Variants in ENOX1 observed in about 807,000 individuals in gnomAD.
The protein encoded by ENOX1 is ecto-NOX disulfide-thiol exchanger 1.
ENOX1 carries 42 observed loss-of-function variants against 82.5 expected under a neutral mutation model. That is an observed-to-expected ratio of 0.51 (90% confidence interval 0.40 to 0.66). ENOX1 has a LOEUF of 0.66. ENOX1 is among the 30% of genes least tolerant of loss of function. The pLI is 0.00. For synonymous variants in ENOX1, 271 were observed against 282.2 expected, an observed-to-expected ratio of 0.96 and a Z score of 0.40; for missense variants, 608 against 811.6, an observed-to-expected ratio of 0.75 and a Z score of 3.05.
At chr13:43,276,434 C>T (rs530672059) in intron 12 of ENOX1, among the ~76,000 whole-genome samples, 7 of 152,298 alleles carry the variant, frequency 4.6e-5, no homozygotes, top group Admixed American at 1.3e-4. Context: ...GAAGTATACA[C>T]CCCTTAATCC....
intron 2 of ENOX1, among the ~76,000 whole-genome samples, chr13:43,663,085 T>C (rs771074306): frequency 6.6e-6 from 1 of 151,808 alleles, no homozygotes; most frequent in Non-Finnish European, 1.5e-5. Context: ...TTCAATGGAG[T>C]AAATTAAAGA....
At chr13:43,294,340 G>A (rs916101376) in intron 12 of ENOX1, among the ~76,000 whole-genome samples, 6 of 151,832 alleles carry the variant, frequency 4.0e-5, no homozygotes, top group South Asian at 2.1e-4. Context: ...ATTTTTAAGC[G>A]GATTATTAAA....
intron 1 of ENOX1, among the ~76,000 whole-genome samples, chr13:43,725,238 A>G (rs982955665): frequency 1.3e-5 from 2 of 152,194 alleles, no homozygotes; most frequent in Admixed American, 6.5e-5. Flanking sequence ...GAAACCAAAT[A>G]GGGTCTCCCT....
At position 43,358,318 on chromosome 13, in the gene ENOX1, G is replaced by A. The variant is rs376404130; in HGVS notation, c.589+1533C>T. Reference sequence around the variant, plus strand: ...GTGAGCATGGGTTTAATCTGTGCAGGTCCACTTATAGGTGGATTTTTTTCC... The same window carrying A: ...GTGAGCATGGGTTTAATCTGTGCAGATCCACTTATAGGTGGATTTTTTTCC... On this transcript the variant is annotated intron_variant, in intron 7 of 16. Transcript: ENST00000690772. 8.3e-4 allele frequency among the ~76,000 whole-genome samples: 126 copies of A among 152,174 alleles called. No homozygotes were observed. In the South Asian group the frequency reaches 0.01, roughly 13 times the overall value.
chr13:43,436,043 G>A (rs551725554), intron 3 of ENOX1, among the ~76,000 whole-genome samples: 9 of 152,186 alleles, frequency 5.9e-5, no homozygotes, highest in East Asian at 1.9e-4. Context: ...GTTGGAGGCT[G>A]CTGAAAGGAC....
Position 43,355,287 on chromosome 13 carries a change from C to T in ENOX1, c.823+632G>A, listed in dbSNP as rs532719394. 6.3e-4 allele frequency among the ~76,000 whole-genome samples: 96 copies of T among 152,278 alleles called. 1 individual carries two copies. The highest frequency in any genetic ancestry group is 2.2e-3 in the African/African-American group (93 of 41,576). ...TCTTTATTTCCCACAGCATAAAACA[C>T]CAGGGAGGGCCTCAGAAAACATTAG... On this transcript the variant is annotated intron_variant, in intron 8 of 16. Transcript: ENST00000690772.
chr13:43,258,557 G>A (rs1470595187), intron 14 of ENOX1, among the ~76,000 whole-genome samples: 1 of 152,064 alleles, frequency 6.6e-6, no homozygotes, highest in Non-Finnish European at 1.5e-5. Flanking sequence ...ATGTGGACAG[G>A]GTAATATATT....
intron 2 of ENOX1, among the ~76,000 whole-genome samples, chr13:43,596,185 G>T (rs2081463433): frequency 6.6e-6 from 1 of 152,144 alleles, no homozygotes; most frequent in Non-Finnish European, 1.5e-5. Context: ...ACCATTTAGG[G>T]CATGTTAACA....
chr13:43,462,168 G>A (rs2057516323), intron 3 of ENOX1, among the ~76,000 whole-genome samples: 1 of 152,142 alleles, frequency 6.6e-6, no homozygotes, highest in African/African-American at 2.4e-5. Context: ...TAGAACACAA[G>A]TCATGTAAAA....
chr13:43,500,267 A>C (rs1362193804), intron 2 of ENOX1, among the ~76,000 whole-genome samples: 1 of 152,178 alleles, frequency 6.6e-6, no homozygotes, highest in Admixed American at 6.5e-5. Context: ...AAATAGGTGG[A>C]ACCTAAAGAG....
At chr13:43,488,461 A>G (rs1177041104) in intron 2 of ENOX1, among the ~76,000 whole-genome samples, 2 of 152,226 alleles carry the variant, frequency 1.3e-5, no homozygotes, top group Non-Finnish European at 2.9e-5. Flanking sequence ...ATAAATTTCT[A>G]TTCTTTATAA....
intron 2 of ENOX1, among the ~76,000 whole-genome samples, chr13:43,619,247 T>C (rs921647468): frequency 1.3e-5 from 2 of 152,244 alleles, no homozygotes; most frequent in South Asian, 2.1e-4. Flanking sequence ...TCTTGTCTGA[T>C]TGCTCTGGCT....
Position 43,241,956 on chromosome 13 carries a change from T to C in ENOX1, c.1612-5218A>G, listed in dbSNP as rs1193906329. Among the ~76,000 whole-genome samples, 3 of 152,216 alleles carry C rather than the reference T, an allele frequency of 2.0e-5. No individual in the cohort carries two copies. In the East Asian group the frequency reaches 5.8e-4, roughly 29 times the overall value. On this transcript the variant is annotated intron_variant, in intron 14 of 16. Transcript: ENST00000690772. ...GCCCCTAAGGACCAAGAAAATGGCT[T>C]CCCTGCCTTATAAAATCCTTCTGCT...
At chr13:43,505,318 A>G (rs991760763) in intron 2 of ENOX1, among the ~76,000 whole-genome samples, 6 of 151,970 alleles carry the variant, frequency 3.9e-5, no homozygotes, top group Admixed American at 3.3e-4. Flanking sequence ...GCTACAGCCT[A>G]AGTACATGTG....
intron 2 of ENOX1, among the ~76,000 whole-genome samples, chr13:43,532,625 A>G (rs942841094): frequency 2.0e-5 from 3 of 152,018 alleles, no homozygotes; most frequent in Non-Finnish European, 2.9e-5. Context: ...ACACTCCTCT[A>G]TTTACAACTA....
At chr13:43,324,737 C>T (rs1178162945) in intron 10 of ENOX1, among the ~76,000 whole-genome samples, 1 of 144,360 alleles carries the variant, frequency 6.9e-6, no homozygotes, top group Non-Finnish European at 1.5e-5. Flanking sequence ...TAGTACCAAA[C>T]AAAGCAAGCA....
Position 43,616,152 on chromosome 13 carries a change from A to ATC in ENOX1, c.-219+51326_-219+51327insGA, listed in dbSNP as rs58813626. ...TATCTATCTATCTAGATATCTATAT[A>ATC]GATAGATATCTATCTATCTATCTAT... On this transcript the variant is annotated intron_variant, in intron 2 of 16. Coordinates refer to ENST00000690772, the MANE Select transcript of ENOX1 (RefSeq NM_001347969.2). 3.1e-4 allele frequency among the ~76,000 whole-genome samples: 16 copies of ATC among 50,828 alleles called. 2 individuals are homozygous for ATC. Among genetic ancestry groups the ATC allele is most frequent in the African/African-American group, 9.0e-4 (11 of 12,220 alleles). 33.3% of individuals were successfully genotyped at this position (50,828 alleles called of 152,430 possible).
chr13:43,704,425 C>T (rs1264988519), intron 1 of ENOX1, among the ~76,000 whole-genome samples: 1 of 151,764 alleles, frequency 6.6e-6, no homozygotes, highest in Non-Finnish European at 1.5e-5. Context: ...TTTGAAGGCA[C>T]TGAAGGGAAA....
Position 43,749,421 on chromosome 13 carries a change from C to T in ENOX1, c.-285+37231G>A, listed in dbSNP as rs558834823. Among the ~76,000 whole-genome samples, 32 of 152,304 alleles carry T rather than the reference C, an allele frequency of 2.1e-4. 1 individual carries two copies. Among genetic ancestry groups the T allele is most frequent in the African/African-American group, 7.7e-4 (32 of 41,558 alleles). On this transcript the variant is annotated intron_variant, in intron 1 of 16. Coordinates refer to ENST00000690772, the MANE Select transcript of ENOX1 (RefSeq NM_001347969.2). ...CAGATCTATGAATTACAGGAATAAA[C>T]ATAATTTTGCTTTTTTACCTTTGAA...
Sources: gnomAD v4.1 joint callset for allele counts (sites outside exome capture counted in the v4.1 genomes callset) on GRCh38, gnomAD v4.1.1 for gene constraint, MANE v1.5 for transcripts, NCBI Gene and HGNC (gene_info 2026-07-23, HGNC 2026-07-21) for gene names.